BTD: variants seen among roughly 807,000 people sequenced by gnomAD.
BTD encodes biotinidase, also known as biocytinase.
A neutral mutation model predicts 17.7 loss-of-function variants in BTD; 13 were observed. The observed-to-expected ratio is 0.74, with a 90% CI of 0.48 to 1.17. BTD has a LOEUF of 1.17. Ranked by LOEUF, BTD falls within the 50% of genes most tolerant of loss-of-function variation. The pLI is 0.00. For missense variants in BTD, 674 were observed against 650.4 expected (o/e 1.04, Z -0.39); for synonymous variants, 240 against 245.2 (o/e 0.98, Z 0.20).
chr3:15,685,789 G>C (rs1217349982), intron 3 of BTD, among the ~76,000 whole-genome samples: 2 of 152,138 alleles, frequency 1.3e-5, no homozygotes, highest in African/African-American at 2.4e-5. Context: ...AAAAGTTTTA[G>C]AGTTTTAAAA....
At chr3:15,706,493 T>C (rs2071431847) in intron 3 of BTD, among the ~76,000 whole-genome samples, 10 of 152,254 alleles carry the variant, frequency 6.6e-5, no homozygotes, top group Admixed American at 5.9e-4. Context: ...CTATCATTGA[T>C]GGACATTTGG....
In BTD at chr3:15,674,174, C is replaced by CAAAAAAAAAAA. The variant is rs34806568; in HGVS notation, c.399+32131_399+32141dup. 2.0e-3 allele frequency among the ~76,000 whole-genome samples: 81 copies of CAAAAAAAAAAA among 40,270 alleles called. 4 individuals are homozygous for CAAAAAAAAAAA. Among genetic ancestry groups the CAAAAAAAAAAA allele is most frequent in the South Asian group, 3.1e-3 (2 of 636 alleles). 26.4% of individuals were successfully genotyped at this position (40,270 alleles called of 152,430 possible). ...GCAACAGAGTGAGACCCTGCCTCTT[C>CAAAAAAAAAAA]AAAAAAAAAAAAAAAAAAAAAAAAG... is the stretch of plus-strand genomic sequence containing the variant. On this transcript the variant is annotated intron_variant, in intron 3 of 3. Coordinates refer to the BTD transcript ENST00000672141.
intron 1 of BTD, among the ~76,000 whole-genome samples, chr3:15,630,556 C>G (rs2065180428): frequency 6.6e-6 from 1 of 152,316 alleles, no homozygotes; most frequent in African/African-American, 2.4e-5. Context: ...ATGTCAAGAT[C>G]CTTTGATTGC....
rs147188293 is a variant in BTD at position 15,645,060 on chromosome 3, A to G, written c.1144A>G (p.Asn382Asp). 7.4e-6 allele frequency: 12 copies of G among 1,614,212 alleles called. No homozygotes were observed. In the Admixed American group the frequency reaches 1.3e-4, roughly 18 times the overall value. ...ATTTCACTCTGAGATGATGTATGAC[A>G]ATTTCACCCTGGTCCCTGTCTGGGG... ...PTFHSEMMYD[N>D]FTLVPVWGKE... is the part of the protein sequence containing the mutation. The change falls in exon 4 of 4, where the codon AAT becomes GAT. Residue 382 changes from asparagine (N) to aspartate (D), a missense_variant. Transcript: ENST00000643237.
intron 1 of BTD, among the ~76,000 whole-genome samples, chr3:15,618,373 C>T (rs185223203): frequency 5.9e-5 from 9 of 152,272 alleles, no homozygotes; most frequent in South Asian, 2.1e-4. Flanking sequence ...GACATCTTAA[C>T]GATATTGAGT....
At chr3:15,616,254 G>A (rs750749409) in intron 1 of BTD, among the ~76,000 whole-genome samples, 1 of 152,154 alleles carries the variant, frequency 6.6e-6, no homozygotes, top group African/African-American at 2.4e-5. Context: ...GGATCATTTT[G>A]TGTTCCCATC....
In BTD at chr3:15,686,104, T is replaced by C. The variant is rs561125204; in HGVS notation, c.400-23956T>C. On this transcript the variant is annotated intron_variant, in intron 3 of 3. Coordinates refer to the BTD transcript ENST00000672141. ...AGTCTGTGTGCCCGTTGAGAACAGA[T>C]AGCATCAGAGGCGTCCTGAGCAACA... 3.7e-5 allele frequency: 59 copies of C among 1,613,266 alleles called. No homozygotes were observed. Among genetic ancestry groups the C allele is most frequent in the South Asian group, 8.8e-5 (8 of 90,822 alleles).
At chr3:15,685,549 C>A in intron 3 of BTD, 2 of 979,418 alleles carry the variant, frequency 2.0e-6, no homozygotes, top group Middle Eastern at 2.3e-4. Flanking sequence ...CATATCCTTC[C>A]ATCAATTAAA....
At chr3:15,686,256 G>A in intron 3 of BTD, 1 of 1,593,782 alleles carries the variant, frequency 6.3e-7, no homozygotes, top group Non-Finnish European at 8.6e-7. Context: ...ACTGCATTCT[G>A]TGGTTCTGCA....
chr3:15,617,596 T>G (rs1194643636), intron 1 of BTD, among the ~76,000 whole-genome samples: 1 of 152,228 alleles, frequency 6.6e-6, no homozygotes, highest in Non-Finnish European at 1.5e-5. Flanking sequence ...TGGTGTGCAG[T>G]GGTACACACT....
intron 3 of BTD, chr3:15,709,589 A>G: frequency 2.0e-6 from 2 of 988,438 alleles, no homozygotes; most frequent in Non-Finnish European, 3.0e-6. Flanking sequence ...TGTTCAGTTA[A>G]TTTTCAGAAG....
At chr3:15,605,826 C>T (rs912837138) in intron 1 of BTD, among the ~76,000 whole-genome samples, 3 of 151,994 alleles carry the variant, frequency 2.0e-5, no homozygotes, top group Non-Finnish European at 4.4e-5. Context: ...GGCAGATCAT[C>T]TGAGGTCAGG....
At chr3:15,705,732 T>C (rs1311958092) in intron 3 of BTD, among the ~76,000 whole-genome samples, 16 of 152,232 alleles carry the variant, frequency 1.1e-4, no homozygotes, top group South Asian at 6.2e-4. Context: ...CTGGGCGCAG[T>C]GGCTCACTCC....
chr3:15,676,333 G>C (rs1275290254), intron 3 of BTD: 2 of 201,172 alleles, frequency 9.9e-6, no homozygotes, highest in African/African-American at 4.6e-5. Context: ...GGCTGGTAAA[G>C]ATACAGACTA....
chr3:15,644,187 A>T (rs1003770399), intron 3 of BTD, 129 bp from the exon 4 acceptor site: 3 of 923,596 alleles, frequency 3.2e-6, no homozygotes, highest in Non-Finnish European at 3.3e-6. Flanking sequence ...TTTTTAGTTG[A>T]GATGGGGTTT....
At chr3:15,700,114 T>G (rs2070333291) in intron 3 of BTD, among the ~76,000 whole-genome samples, 1 of 152,186 alleles carries the variant, frequency 6.6e-6, no homozygotes, top group Non-Finnish European at 1.5e-5. Flanking sequence ...AAACCATCAT[T>G]CTCAGCAAAC....
downstream of BTD, chr3:15,713,787 G>A: frequency 2.1e-6 from 1 of 474,096 alleles, no homozygotes; most frequent in Non-Finnish European, 3.7e-6. Flanking sequence ...CTCATTTATT[G>A]GGCCAGGCAA....
At chr3:15,603,205 C>T (rs529283299) in intron 1 of BTD, among the ~76,000 whole-genome samples, 20 of 152,160 alleles carry the variant, frequency 1.3e-4, no homozygotes, top group African/African-American at 4.3e-4. Flanking sequence ...TGCCCCTGGC[C>T]CCTCCCAAAT....
downstream of BTD, among the ~76,000 whole-genome samples, chr3:15,716,205 C>T (rs772452022): frequency 1.3e-5 from 2 of 151,446 alleles, no homozygotes; most frequent in Non-Finnish European, 2.9e-5. Flanking sequence ...TTGTCTTGAA[C>T]TCAAGACCTC....
Sources: gnomAD v4.1 joint callset for allele counts (sites outside exome capture counted in the v4.1 genomes callset) on GRCh38, gnomAD v4.1.1 for gene constraint, MANE v1.5 for transcripts, NCBI Gene and HGNC (gene_info 2026-07-23, HGNC 2026-07-21) for gene names.